PRKCH: variants seen among roughly 807,000 people sequenced by gnomAD.
PRKCH encodes the protein protein kinase C eta type.
Under a neutral mutation model 82.5 loss-of-function variants are expected in PRKCH, and 28 were observed. That is an observed-to-expected ratio of 0.34 (90% CI 0.25 to 0.47). PRKCH has a LOEUF of 0.47. Among genes scored for constraint, PRKCH ranks in the 20% least tolerant of loss-of-function variants. The pLI is 1.00. For synonymous variants in PRKCH, 322 were observed against 327.4 expected (o/e 0.98, Z 0.18); for missense variants, 705 against 881.8 (o/e 0.80, Z 2.54).
At chr14:61,429,760 A>T (rs1158159892) in intron 2 of PRKCH, among the ~76,000 whole-genome samples, 1 of 152,214 alleles carries the variant, frequency 6.6e-6, no homozygotes, top group Non-Finnish European at 1.5e-5. Flanking sequence ...ATGTAATTTG[A>T]ATTATCTTAT....
At chr14:61,337,365 T>C (rs2045873260) in intron 1 of PRKCH, among the ~76,000 whole-genome samples, 1 of 152,162 alleles carries the variant, frequency 6.6e-6, no homozygotes, top group East Asian at 1.9e-4. Flanking sequence ...ACATTTGATT[T>C]GGCTTGCAGA....
intron 1 of PRKCH, among the ~76,000 whole-genome samples, chr14:61,328,822 C>T (rs916619841): frequency 4.0e-5 from 6 of 151,688 alleles, no homozygotes; most frequent in Admixed American, 3.3e-4. Flanking sequence ...ACCCCATCTC[C>T]ACAAAAAAAT....
intron 2 of PRKCH, among the ~76,000 whole-genome samples, chr14:61,425,524 G>T (rs1246979603): frequency 6.6e-6 from 1 of 152,190 alleles, no homozygotes; most frequent in Non-Finnish European, 1.5e-5. Flanking sequence ...TGGAATGGGT[G>T]TTCTTATCCA....
intron 1 of PRKCH, among the ~76,000 whole-genome samples, chr14:61,190,007 C>T (rs1231231399): frequency 6.6e-6 from 1 of 152,084 alleles, no homozygotes; most frequent in South Asian, 2.1e-4. Flanking sequence ...TCAATTTCAT[C>T]TTCATCAATT....
chr14:61,333,428 A>G (rs1302498483), intron 1 of PRKCH, among the ~76,000 whole-genome samples: 1 of 152,182 alleles, frequency 6.6e-6, no homozygotes, highest in Admixed American at 6.5e-5. Context: ...ATTAATTCCT[A>G]ACATTCAGGG....
chr14:61,261,288 C>G (rs2045041553), intron 1 of PRKCH, among the ~76,000 whole-genome samples: 1 of 152,182 alleles, frequency 6.6e-6, no homozygotes, highest in Non-Finnish European at 1.5e-5. Flanking sequence ...GGTGGCCTGG[C>G]CAGCAGTAGG....
At chr14:61,250,070 G>A (rs1193774958) in intron 1 of PRKCH, among the ~76,000 whole-genome samples, 6 of 21,994 alleles carry the variant, frequency 2.7e-4, no homozygotes, top group African/African-American at 9.8e-4. Context: ...GGCCAGCCTG[G>A]CCAACATGGT....
chr14:61,531,962 G>GTGAGTACAAAA (rs1254891641), intron 12 of PRKCH, among the ~76,000 whole-genome samples: 1 of 152,202 alleles, frequency 6.6e-6, no homozygotes, highest in Non-Finnish European at 1.5e-5. Flanking sequence ...ACTCACCTAG[G>GTGAGTACAAAA]TTGGCTGCAG....
At chr14:61,356,385 G>T (rs959144399) in intron 1 of PRKCH, among the ~76,000 whole-genome samples, 10 of 152,172 alleles carry the variant, frequency 6.6e-5, no homozygotes, top group African/African-American at 1.9e-4. Context: ...TTCGTGCTTA[G>T]CCCTGGACTC....
At chr14:61,445,961 T>G (rs184007796) in intron 4 of PRKCH, among the ~76,000 whole-genome samples, 1 of 152,198 alleles carries the variant, frequency 6.6e-6, no homozygotes, top group African/African-American at 2.4e-5. Context: ...AAATTTTCAT[T>G]GTTTAAAGTC....
chr14:61,202,736 T>C (rs990649319), intron 1 of PRKCH, among the ~76,000 whole-genome samples: 9 of 152,158 alleles, frequency 5.9e-5, no homozygotes, highest in Admixed American at 5.9e-4. Context: ...AGTTTTAGGT[T>C]TACAGAAAAA....
chr14:61,543,482 AC>A (rs1247430347), intron 12 of PRKCH: 1 of 151,980 alleles, frequency 6.6e-6, no homozygotes, highest in Non-Finnish European at 1.5e-5. Context: ...CAGATTTTCC[AC>A]CCTGGTCCCC....
At chr14:61,288,422 C>T (rs1386931609) in intron 1 of PRKCH, among the ~76,000 whole-genome samples, 1 of 152,092 alleles carries the variant, frequency 6.6e-6, no homozygotes, top group African/African-American at 2.4e-5. Context: ...AATTCCATTA[C>T]CTAGGTCACT....
intron 1 of PRKCH, among the ~76,000 whole-genome samples, chr14:61,227,471 G>A (rs182551779): frequency 3.9e-5 from 6 of 152,238 alleles, no homozygotes; most frequent in East Asian, 3.9e-4. Context: ...GCGAGCGCCC[G>A]TAGTCCCAGC....
At chr14:61,486,146 A>G (rs1275942077) in intron 10 of PRKCH, among the ~76,000 whole-genome samples, 1 of 152,242 alleles carries the variant, frequency 6.6e-6, no homozygotes, top group Admixed American at 6.5e-5. Context: ...AGGACCTGTC[A>G]TAGCCAAGAC....
At chr14:61,282,053 C>G (rs1381045692) in intron 1 of PRKCH, among the ~76,000 whole-genome samples, 1 of 151,644 alleles carries the variant, frequency 6.6e-6, no homozygotes, top group Non-Finnish European at 1.5e-5. Flanking sequence ...GTGGAGAAAC[C>G]AAGAAAGGAA....
intron 2 of PRKCH, 50 bp from the exon 3 acceptor site, chr14:61,443,061 C>T (rs533310012): frequency 2.9e-5 from 45 of 1,544,762 alleles, no homozygotes; most frequent in South Asian, 2.3e-4. Context: ...CTATTAGGTG[C>T]GTTAGGTTCC....
chr14:61,425,930 C>T (rs1883083135), intron 2 of PRKCH, among the ~76,000 whole-genome samples: 1 of 152,198 alleles, frequency 6.6e-6, no homozygotes, highest in Admixed American at 6.5e-5. Flanking sequence ...GCTCTTCTCC[C>T]TTCACTTCTC....
intron 10 of PRKCH, among the ~76,000 whole-genome samples, chr14:61,515,568 C>T (rs141589631): frequency 3.9e-4 from 59 of 152,258 alleles, no homozygotes; most frequent in African/African-American, 1.4e-3. Flanking sequence ...CAATAGACGA[C>T]GGTGTTGTGG....
Sources: allele counts gnomAD v4.1 joint callset (sites outside exome capture counted in the v4.1 genomes callset), GRCh38; gene constraint gnomAD v4.1.1; transcripts MANE v1.5; gene names NCBI Gene and HGNC (gene_info 2026-07-23, HGNC 2026-07-21).